RASEF: variants seen among roughly 807,000 people sequenced by gnomAD.
The protein encoded by RASEF is RAS and EF-hand domain containing.
Under a neutral mutation model 90.1 loss-of-function variants are expected in RASEF, and 68 were observed. That is an observed-to-expected ratio of 0.75 (90% confidence interval 0.62 to 0.92). RASEF has a LOEUF of 0.92. RASEF is among the 40% of genes least tolerant of loss of function. RASEF has a pLI of 0.00. For synonymous variants in RASEF, 331 were observed against 345.2 expected (o/e 0.96, Z 0.46); for missense variants, 949 against 937.2 (o/e 1.01, Z -0.16).
At chr9:83,016,712 C>CA (rs1829348619) in intron 3 of RASEF, among the ~76,000 whole-genome samples, 1 of 151,478 alleles carries the variant, frequency 6.6e-6, no homozygotes, top group African/African-American at 2.4e-5. Flanking sequence ...GGAAATAATA[C>CA]AAAAAAAGAA....
intron 2 of RASEF, among the ~76,000 whole-genome samples, chr9:83,023,417 T>C (rs960243927): frequency 1.6e-4 from 24 of 152,152 alleles, no homozygotes; most frequent in African/African-American, 5.8e-4. Flanking sequence ...AAATATAAGA[T>C]TTTCTGTCTT....
chr9:83,072,559 C>G, the RASEF span, among the ~76,000 whole-genome samples: 1 of 152,194 alleles, frequency 6.6e-6, no homozygotes, highest in East Asian at 1.9e-4. Flanking sequence ...GCAGTGAAGC[C>G]AACAGTGCAG....
At chr9:83,030,568 C>T (rs1054266875) in intron 1 of RASEF, among the ~76,000 whole-genome samples, 2 of 152,160 alleles carry the variant, frequency 1.3e-5, no homozygotes, top group African/African-American at 4.8e-5. Flanking sequence ...TACAGTGAAG[C>T]ATACAAATAG....
the RASEF span, among the ~76,000 whole-genome samples, chr9:83,161,893 T>C: frequency 6.6e-6 from 1 of 152,034 alleles, no homozygotes; most frequent in Non-Finnish European, 1.5e-5. Flanking sequence ...TCCTCTCTTG[T>C]CTGCCACCAA....
chr9:83,174,109 T>G, the RASEF span, among the ~76,000 whole-genome samples: 1 of 151,962 alleles, frequency 6.6e-6, no homozygotes, highest in Non-Finnish European at 1.5e-5. Context: ...TAGATTGTCT[T>G]ATCACTTCCT....
the RASEF span, among the ~76,000 whole-genome samples, chr9:83,148,863 T>G: frequency 6.6e-6 from 1 of 152,192 alleles, no homozygotes; most frequent in African/African-American, 2.4e-5. Flanking sequence ...CCAGTCCACA[T>G]GATTCCTCTG....
chr9:83,089,900 A>AGATAGAT, the RASEF span, among the ~76,000 whole-genome samples: 786 of 88,570 alleles, frequency 8.9e-3, 6 homozygotes, highest in Middle Eastern at 0.038. Flanking sequence ...GATGATAGAT[A>AGATAGAT]GATAGATAGA....
chr9:83,003,245 A>G (rs1335511517), intron 9 of RASEF, among the ~76,000 whole-genome samples: 1 of 152,138 alleles, frequency 6.6e-6, no homozygotes, highest in Non-Finnish European at 1.5e-5. Flanking sequence ...CAGAAGGGGC[A>G]TGGTGTTGAG....
intron 2 of RASEF, among the ~76,000 whole-genome samples, chr9:83,023,813 A>T (rs73467600): frequency 0.03 from 4,513 of 152,168 alleles, 205 homozygotes; most frequent in African/African-American, 0.1. Flanking sequence ...TTTCCCACCT[A>T]CTTCTTCTAG....
intron 1 of RASEF, among the ~76,000 whole-genome samples, chr9:83,058,235 T>G (rs1346503181): frequency 1.6e-5 from 2 of 126,568 alleles, no homozygotes; most frequent in Non-Finnish European, 3.1e-5. Flanking sequence ...CAGGCTGGAG[T>G]GCAGTGGCGC....
the RASEF span, among the ~76,000 whole-genome samples, chr9:83,188,507 A>T: frequency 1.3e-5 from 2 of 152,248 alleles, no homozygotes; most frequent in Non-Finnish European, 2.9e-5. Flanking sequence ...TCCATATTTC[A>T]TCAGGCAGTA....
the RASEF span, among the ~76,000 whole-genome samples, chr9:83,175,376 T>C: frequency 6.6e-6 from 1 of 152,236 alleles, no homozygotes; most frequent in South Asian, 2.1e-4. Flanking sequence ...TTGCCTTTTG[T>C]CTTTATTCTA....
chr9:83,080,841 A>C, the RASEF span, among the ~76,000 whole-genome samples: 10 of 152,190 alleles, frequency 6.6e-5, no homozygotes, highest in African/African-American at 1.9e-4. Context: ...AATTCTTCAT[A>C]ATGAGTTTAC....
At chr9:82,984,976 C>T (rs1370089038) in intron 16 of RASEF, among the ~76,000 whole-genome samples, 1 of 152,136 alleles carries the variant, frequency 6.6e-6, no homozygotes, top group Non-Finnish European at 1.5e-5. Context: ...AGACTTTTGA[C>T]ATTGGAGAGA....
chr9:83,092,795 G>A, the RASEF span, among the ~76,000 whole-genome samples: 7 of 152,066 alleles, frequency 4.6e-5, no homozygotes, highest in African/African-American at 1.2e-4. Flanking sequence ...TGATTGGTGC[G>A]TTTACAATCC....
chr9:83,157,760 T>C, the RASEF span, among the ~76,000 whole-genome samples: 1 of 152,202 alleles, frequency 6.6e-6, no homozygotes. Context: ...TGAAAGCACA[T>C]ATTTGATAAA....
In RASEF at chr9:83,000,150, A is replaced by AC; in HGVS notation, c.1723+18dup. 1 of 1,607,996 alleles carries AC rather than the reference A, an allele frequency of 6.2e-7. No homozygotes were observed. Among genetic ancestry groups the AC allele is most frequent in the South Asian group, 1.1e-5 (1 of 90,042 alleles). On this transcript the variant is annotated intron_variant, in intron 12 of 16. Coordinates refer to ENST00000376447, the MANE Select transcript of RASEF (RefSeq NM_152573.4). ...AAGGAAGGTCATTTTCCCATTATCAACCGAAATACGAGCCATACCCAGGGT... is the reference window on the plus strand; with the variant it reads ...AAGGAAGGTCATTTTCCCATTATCAACCCGAAATACGAGCCATACCCAGGGT...
the RASEF span, among the ~76,000 whole-genome samples, chr9:83,217,884 A>G: frequency 6.6e-6 from 1 of 152,320 alleles, no homozygotes; most frequent in Non-Finnish European, 1.5e-5. Flanking sequence ...GGTCCAGAAA[A>G]GGTAATTATA....
the RASEF span, among the ~76,000 whole-genome samples, chr9:83,163,827 TC>T: frequency 6.6e-6 from 1 of 151,678 alleles, no homozygotes; most frequent in African/African-American, 2.4e-5. Context: ...ACTGAGAATT[TC>T]CCCAAAGTAA....
Sources: gnomAD v4.1 joint callset for allele counts (sites outside exome capture counted in the v4.1 genomes callset) on GRCh38, gnomAD v4.1.1 for gene constraint, MANE v1.5 for transcripts, NCBI Gene and HGNC (gene_info 2026-07-23, HGNC 2026-07-21) for gene names.